Variants in PIP4P2 observed in about 807,000 individuals in gnomAD.
PIP4P2 encodes the protein phosphatidylinositol-4,5-bisphosphate 4-phosphatase 2, also known as type 2 phosphatidylinositol 4,5-bisphosphate 4-phosphatase.
Under a neutral mutation model 33.3 loss-of-function variants are expected in PIP4P2, and 19 were observed. The observed-to-expected ratio is 0.57, with a 90% confidence interval of 0.40 to 0.84. The LOEUF is 0.84. Ranked by LOEUF, PIP4P2 falls within the 40% of genes least tolerant of loss-of-function variation. The pLI, the probability that PIP4P2 is intolerant of heterozygous loss-of-function variation, is 0.00. For missense variants in PIP4P2, 270 were observed against 324.7 expected (o/e 0.83, Z 1.29); for synonymous variants, 110 against 111.9 (o/e 0.98, Z 0.11).
chr8:91,040,838 TGCTGCCGCTGCA>T lies in PIP4P2; in HGVS notation c.-101_-90del. On this transcript the variant is annotated 5_prime_UTR_variant, in exon 1 of 7. Transcript: ENST00000285419. ...CTACTGCTGCTGCCTCTGCTGCCGCTGCTGCCGCTGCAGCTGCTGCTGCTGCCGCCTCCGGGA... is the reference window on the plus strand; with the variant it reads ...CTACTGCTGCTGCCTCTGCTGCCGCTGCTGCTGCTGCTGCCGCCTCCGGGA... The T allele has an allele frequency of 9.0e-7, 1 of 1,107,750 alleles. No homozygotes were observed. The allele number at this position is 1,107,750 out of a possible 1,614,324, so 68.6% of individuals were successfully genotyped here.
intron 1 of PIP4P2, among the ~76,000 whole-genome samples, chr8:91,025,807 G>A (rs574253291): frequency 1.4e-4 from 22 of 152,276 alleles, no homozygotes; most frequent in African/African-American, 5.3e-4. Flanking sequence ...TGTGCAGAAT[G>A]TAGGTTAGGG....
At chr8:91,019,395 C>CAAAAAAAA (rs71510466) in intron 3 of PIP4P2, among the ~76,000 whole-genome samples, 1 of 19,706 alleles carries the variant, frequency 5.1e-5, no homozygotes, top group African/African-American at 2.4e-4. Flanking sequence ...CCTGTCTCTA[C>CAAAAAAAA]AAAAAAAAAA....
At chr8:91,006,922 T>C (rs779668977) in intron 5 of PIP4P2, among the ~76,000 whole-genome samples, 2 of 152,200 alleles carry the variant, frequency 1.3e-5, no homozygotes, top group African/African-American at 4.8e-5. Context: ...TAAGCTGAGA[T>C]CGTGCCAGTG....
Position 90,995,537 on chromosome 8 carries a change from A to C in PIP4P2, c.*140T>G. 1 of 1,081,226 alleles carries C rather than the reference A, an allele frequency of 9.2e-7. No individual in the cohort carries two copies. Among genetic ancestry groups the C allele is most frequent in the Non-Finnish European group, 1.2e-6 (1 of 808,934 alleles). The allele number at this position is 1,081,226 out of a possible 1,614,324, so 67.0% of individuals were successfully genotyped here. ...AATATAGTGCAATGAGCATTTGTTC[A>C]TAAAAGACTCCCAAAGTCTTGAAAC... On this transcript the variant is annotated 3_prime_UTR_variant, in exon 7 of 7. Coordinates refer to ENST00000285419, the MANE Select transcript of PIP4P2 (RefSeq NM_018710.3).
At chr8:91,039,845 A>G (rs986933071) in intron 1 of PIP4P2, among the ~76,000 whole-genome samples, 3 of 152,180 alleles carry the variant, frequency 2.0e-5, no homozygotes, top group Admixed American at 2.0e-4. Context: ...TAGATTCCAT[A>G]TTTCTCCAGA....
In PIP4P2 at chr8:91,006,895, G is replaced by A. The variant is rs189314057; in HGVS notation, c.539+1848C>T. On this transcript the variant is annotated intron_variant, in intron 5 of 6. Transcript: ENST00000285419. Reference sequence around the variant, plus strand: ...GAGGCAGGAGAATTGCTTGAACCCCGGAGGTGGAGGTTGCAGTAAGCTGAG... The same window carrying A: ...GAGGCAGGAGAATTGCTTGAACCCCAGAGGTGGAGGTTGCAGTAAGCTGAG... Among the ~76,000 whole-genome samples the A allele has an allele frequency of 7.4e-4, 113 of 152,308 alleles. 1 individual carries two copies. Among genetic ancestry groups the A allele is most frequent in the Non-Finnish European group, 1.4e-3 (96 of 68,034 alleles).
At chr8:91,016,278 C>G (rs1385153732) in intron 4 of PIP4P2, among the ~76,000 whole-genome samples, 1 of 151,494 alleles carries the variant, frequency 6.6e-6, no homozygotes, top group African/African-American at 2.4e-5. Context: ...AAGTTTCCCA[C>G]TAAATAATAT....
rs532727112 is a variant in PIP4P2, at chr8:91,040,568, C to T, written c.106+76G>A. ...CACCTCCACCTCCAAGCTAGAGCTC[C>T]CAGGTCTTTATCCTTCTGGGCGTTT... On this transcript the variant is annotated intron_variant, in intron 1 of 6. Coordinates refer to ENST00000285419, the MANE Select transcript of PIP4P2 (RefSeq NM_018710.3). The T allele has an allele frequency of 1.5e-5, 23 of 1,541,136 alleles. No individual in the cohort carries two copies. The Admixed American group carries it at 3.4e-4, about 23-fold the overall frequency.
chr8:90,994,858 G>T lies in PIP4P2; in HGVS notation c.*819C>A, dbSNP rs968282242. 1.3e-5 allele frequency: 2 copies of T among 152,016 alleles called. No homozygotes were observed. The highest frequency in any genetic ancestry group is 2.9e-5 in the Non-Finnish European group (2 of 67,924). 9.4% of individuals were successfully genotyped at this position (152,016 alleles called of 1,614,324 possible). On this transcript the variant is annotated 3_prime_UTR_variant, in exon 7 of 7. Transcript: ENST00000285419. Reference sequence around the variant, plus strand: ...TAAATGGTTAAGTATTATAAAACATGTTATGTGAAATACTTCCTCAAGCCT... The same window carrying T: ...TAAATGGTTAAGTATTATAAAACATTTTATGTGAAATACTTCCTCAAGCCT...
At chr8:91,019,085 C>T (rs777473291) in intron 3 of PIP4P2, among the ~76,000 whole-genome samples, 17 of 151,940 alleles carry the variant, frequency 1.1e-4, no homozygotes, top group Non-Finnish European at 2.1e-4. Flanking sequence ...AAAAAAAACA[C>T]AAGTAAGGCC....
intron 1 of PIP4P2, among the ~76,000 whole-genome samples, chr8:91,030,291 G>A (rs1812146200): frequency 6.6e-6 from 1 of 151,864 alleles, no homozygotes; most frequent in African/African-American, 2.4e-5. Flanking sequence ...AATGAGTATG[G>A]TCTTAGGGAA....
At chr8:91,024,737 T>C (rs1812058985) in intron 1 of PIP4P2, among the ~76,000 whole-genome samples, 1 of 152,184 alleles carries the variant, frequency 6.6e-6, no homozygotes, top group Admixed American at 6.5e-5. Flanking sequence ...TTACTTGTTA[T>C]CTAAACAATG....
At chr8:91,028,725 T>C (rs1812117748) in intron 1 of PIP4P2, among the ~76,000 whole-genome samples, 7 of 152,102 alleles carry the variant, frequency 4.6e-5, no homozygotes, top group Admixed American at 4.6e-4. Context: ...ATTTCAGAGA[T>C]TGGTGCCACT....
At position 91,037,828 on chromosome 8, in the gene PIP4P2, T is replaced by C. The variant is rs566847981; in HGVS notation, c.106+2816A>G. On this transcript the variant is annotated intron_variant, in intron 1 of 6. Transcript: ENST00000285419. The stretch of plus-strand genomic sequence containing the variant: ...AAATCTTATAAATTCAAAGGTCATA[T>C]TCTTTTGTTATATCCTAACTACAAA... 2.0e-5 allele frequency among the ~76,000 whole-genome samples: 3 copies of C among 152,342 alleles called. No homozygotes were observed. The South Asian group carries it at 6.2e-4, about 32-fold the overall frequency.
At chr8:91,034,041 T>C (rs1271470798) in intron 1 of PIP4P2, among the ~76,000 whole-genome samples, 1 of 151,970 alleles carries the variant, frequency 6.6e-6, no homozygotes, top group African/African-American at 2.4e-5. Context: ...CCAACTCATG[T>C]TTCAGGTCTC....
chr8:91,031,599 G>A (rs927336037), intron 1 of PIP4P2, among the ~76,000 whole-genome samples: 3 of 152,126 alleles, frequency 2.0e-5, no homozygotes, highest in Admixed American at 6.6e-5. Flanking sequence ...ATTGCCTTTA[G>A]AAGTAAATGC....
chr8:91,007,286 A>G, intron 5 of PIP4P2, among the ~76,000 whole-genome samples: 1 of 152,352 alleles, frequency 6.6e-6, no homozygotes, highest in East Asian at 1.9e-4. Flanking sequence ...TATTTTTTAT[A>G]AGCTAAGATA....
chr8:91,008,119 A>G (rs1484310328), intron 5 of PIP4P2, among the ~76,000 whole-genome samples: 1 of 152,084 alleles, frequency 6.6e-6, no homozygotes, highest in Admixed American at 6.6e-5. Context: ...CTATATATTA[A>G]TTTCTATGAG....
chr8:91,018,354 T>G (rs1252602449), intron 4 of PIP4P2, 36 bp downstream of exon 4: 1 of 1,613,578 alleles, frequency 6.2e-7, no homozygotes, highest in East Asian at 2.2e-5. Context: ...TCATGACCTA[T>G]ATTTACAGAT....
Sources: gnomAD v4.1 joint callset for allele counts (sites outside exome capture counted in the v4.1 genomes callset) on GRCh38, gnomAD v4.1.1 for gene constraint, MANE v1.5 for transcripts, NCBI Gene and HGNC (gene_info 2026-07-23, HGNC 2026-07-21) for gene names.